The following WHRN variants were observed in gnomAD, a reference collection of about 807,000 sequenced individuals.
WHRN encodes whirlin.
In WHRN, 41 loss-of-function variants were observed where a neutral mutation model predicts 68.3. The observed-to-expected ratio is 0.60, with a 90% CI of 0.47 to 0.78. WHRN has a LOEUF of 0.78. Ranked by LOEUF, WHRN falls within the 30% of genes least tolerant of loss-of-function variation. The pLI, the probability that WHRN is intolerant of heterozygous loss-of-function variation, is 0.00. For synonymous variants in WHRN, 560 were observed against 561.3 expected (o/e 1.00, Z 0.03); for missense variants, 1,243 against 1,244.7 (o/e 1.00, Z 0.02).
intron 1 of WHRN, among the ~76,000 whole-genome samples, chr9:114,484,175 G>C (rs1842309868): frequency 6.6e-6 from 1 of 152,208 alleles, no homozygotes; most frequent in Non-Finnish European, 1.5e-5. Context: ...AGCAGCAGCA[G>C]GAGATTTTGA....
At chr9:114,405,866 T>C (rs904601987) in intron 9 of WHRN, among the ~76,000 whole-genome samples, 1 of 152,252 alleles carries the variant, frequency 6.6e-6, no homozygotes, top group African/African-American at 2.4e-5. Flanking sequence ...CCATGTCCTC[T>C]AGCAAACCGG....
chr9:114,500,658 C>T (rs899240701), intron 1 of WHRN, among the ~76,000 whole-genome samples: 7 of 152,186 alleles, frequency 4.6e-5, no homozygotes, highest in Non-Finnish European at 7.3e-5. Flanking sequence ...CCCAGCAGTG[C>T]CCCGCTACCC....
intron 3 of WHRN, among the ~76,000 whole-genome samples, chr9:114,427,574 G>A (rs561413897): frequency 6.6e-6 from 1 of 152,302 alleles, no homozygotes; most frequent in South Asian, 2.1e-4. Flanking sequence ...AACTCCTGTA[G>A]GTTTATCCAG....
At chr9:114,451,548 T>C (rs72750719) in intron 3 of WHRN, among the ~76,000 whole-genome samples, 42,046 of 151,910 alleles carry the variant, frequency 0.28, 6,064 homozygotes, top group Admixed American at 0.36. Flanking sequence ...TGGGGGTGTG[T>C]GCGCATGAAC....
rs145238142 is a variant in WHRN, at chr9:114,486,208, A to G, written c.619-7437T>C. Among the ~76,000 whole-genome samples the G allele has an allele frequency of 2.5e-3, 388 of 152,190 alleles. 2 individuals carry two copies. The highest frequency in any genetic ancestry group is 8.2e-3 in the African/African-American group (339 of 41,530). ...ATATGGACACAAACACGTGTCCCCC[A>G]ACTTTCTTCTTTTTAAGAAACATCC... On this transcript the variant is annotated intron_variant, in intron 1 of 11. Transcript: ENST00000362057.
intron 3 of WHRN, among the ~76,000 whole-genome samples, chr9:114,459,303 CA>C (rs10679870): frequency 3.3e-5 from 5 of 149,362 alleles, no homozygotes; most frequent in Non-Finnish European, 4.5e-5. Context: ...ACTAAAAATA[CA>C]AAAAAAAAAA....
At chr9:114,503,954 C>T (rs1844156188) in intron 1 of WHRN, among the ~76,000 whole-genome samples, 1 of 152,130 alleles carries the variant, frequency 6.6e-6, no homozygotes, top group South Asian at 2.1e-4. Flanking sequence ...CCTGCACTAG[C>T]TTTTAAGCCT....
chr9:114,420,899 G>A (rs1182107771), intron 7 of WHRN, among the ~76,000 whole-genome samples: 2 of 152,052 alleles, frequency 1.3e-5, no homozygotes, highest in African/African-American at 4.8e-5. Context: ...CTCTGCAAAA[G>A]AGGAAATCAA....
At chr9:114,448,483 A>AAGGGCCT (rs1253219617) in intron 3 of WHRN, among the ~76,000 whole-genome samples, 3 of 152,138 alleles carry the variant, frequency 2.0e-5, no homozygotes, top group Non-Finnish European at 4.4e-5. Context: ...ACATAGAAAG[A>AAGGGCCT]AGGGCCTAGT....
At position 114,476,244 on chromosome 9, in the gene WHRN, A is replaced by C. The variant is rs911168974; in HGVS notation, c.837+2309T>G. Among the ~76,000 whole-genome samples, 3 of 152,230 alleles carry C rather than the reference A, an allele frequency of 2.0e-5. 1 individual carries two copies. The highest frequency in any genetic ancestry group is 7.2e-5 in the African/African-American group (3 of 41,542). On this transcript the variant is annotated intron_variant, in intron 2 of 11. Transcript: ENST00000362057. ...CAGCCTCCCAAAGAGCTGGGATTACAGGTGTGAGCCACTGTGCCCAGCCCC... is the reference window on the plus strand; with the variant it reads ...CAGCCTCCCAAAGAGCTGGGATTACCGGTGTGAGCCACTGTGCCCAGCCCC...
intron 7 of WHRN, among the ~76,000 whole-genome samples, chr9:114,409,934 C>A (rs1168488264): frequency 4.6e-5 from 7 of 151,984 alleles, no homozygotes. Context: ...AGCTCAGGAC[C>A]CCCAAGGGCC....
intron 3 of WHRN, among the ~76,000 whole-genome samples, chr9:114,438,743 G>A (rs1185742950): frequency 6.6e-6 from 1 of 151,858 alleles, no homozygotes; most frequent in Non-Finnish European, 1.5e-5. Context: ...GAGCCACCGC[G>A]CCTGGCTAAC....
chr9:114,424,225 T>C, intron 6 of WHRN, 109 bp downstream of exon 6: 2 of 1,297,190 alleles, frequency 1.5e-6, no homozygotes, highest in South Asian at 1.2e-5. Flanking sequence ...CTGCCCAGTG[T>C]TCAGTTCAGG....
intron 3 of WHRN, among the ~76,000 whole-genome samples, chr9:114,443,993 A>AG (rs1348841315): frequency 2.0e-5 from 3 of 152,216 alleles, no homozygotes; most frequent in African/African-American, 7.2e-5. Flanking sequence ...GGCACTCATG[A>AG]GACTTACTAC....
chr9:114,439,618 C>T (rs1302859743), intron 3 of WHRN, among the ~76,000 whole-genome samples: 1 of 123,940 alleles, frequency 8.1e-6, no homozygotes. Flanking sequence ...TCATGTATAT[C>T]TGTATGTACA....
intron 3 of WHRN, among the ~76,000 whole-genome samples, chr9:114,431,950 G>T (rs1467204792): frequency 6.6e-6 from 1 of 152,214 alleles, no homozygotes; most frequent in Admixed American, 6.5e-5. Flanking sequence ...GGGACAGGAC[G>T]TGCTGGAGAT....
intron 9 of WHRN, 65 bp from the exon 10 acceptor site, chr9:114,404,142 G>A: frequency 6.6e-7 from 1 of 1,523,522 alleles, no homozygotes; most frequent in Non-Finnish European, 8.9e-7. Context: ...GCTGCCTGGA[G>A]GCAGTGACGG....
rs929279797 is a variant in WHRN at position 114,481,494 on chromosome 9, A to G, written c.619-2723T>C. On this transcript the variant is annotated intron_variant, in intron 1 of 11. Transcript: ENST00000362057. ...CTGAGACCAAGTGGGCTTCCCCCAG[A>G]GCAAAGTGGAAAGTGGTTCAGGGCA... Among the ~76,000 whole-genome samples the G allele has an allele frequency of 2.6e-5, 4 of 152,292 alleles. No homozygotes were observed. The East Asian group carries it at 7.7e-4, about 29-fold the overall frequency.
chr9:114,406,481 G>A lies in WHRN; in HGVS notation c.2110C>T (p.Leu704=), dbSNP rs1160141715. ...AEATVAGGCL[L]PPSPSGHPDQ... is the part of the protein sequence containing the mutation. ...GGGTGGCCAGAGGGTGATGGGGGCAGAAGGCAGCCCCCAGCCACTGTGGCC... is the reference window on the plus strand; with the variant it reads ...GGGTGGCCAGAGGGTGATGGGGGCAAAAGGCAGCCCCCAGCCACTGTGGCC... Residue 704 remains leucine, a synonymous_variant, in exon 9 of 12, where the codon CTG becomes TTG. Coordinates refer to ENST00000362057, the MANE Select transcript of WHRN (RefSeq NM_015404.4). 1 of 1,614,034 alleles carries A rather than the reference G, an allele frequency of 6.2e-7. No individual in the cohort carries two copies. Among genetic ancestry groups the A allele is most frequent in the African/African-American group, 1.3e-5 (1 of 74,942 alleles).
Sources: gnomAD v4.1 joint callset for allele counts (sites outside exome capture counted in the v4.1 genomes callset) on GRCh38, gnomAD v4.1.1 for gene constraint, MANE v1.5 for transcripts, NCBI Gene and HGNC (gene_info 2026-07-23, HGNC 2026-07-21) for gene names.